GUCA1C: variants seen among roughly 807,000 people sequenced by gnomAD.
The protein encoded by GUCA1C is guanylate cyclase activator 1C, also known as guanylyl cyclase-activating protein 3.
Under a neutral mutation model 16.2 loss-of-function variants are expected in GUCA1C, and 15 were observed. The ratio of observed to expected loss-of-function variants is 0.93; its 90% CI spans 0.62 to 1.43. The LOEUF is 1.43. Among genes scored for constraint, GUCA1C ranks in the 40% most tolerant of loss-of-function variants. The pLI is 0.00. For synonymous variants in GUCA1C, 78 were observed against 85.4 expected, an observed-to-expected ratio of 0.91 and a Z score of 0.48; for missense variants, 275 against 244.8, an observed-to-expected ratio of 1.12 and a Z score of -0.82.
intron 1 of GUCA1C, among the ~76,000 whole-genome samples, chr3:108,933,707 A>G (rs1946693916): frequency 6.6e-6 from 1 of 152,200 alleles, no homozygotes; most frequent in South Asian, 2.1e-4. Flanking sequence ...TGCAGAGAAG[A>G]AGGAACATTT....
intron 3 of GUCA1C, 158 bp downstream of exon 3, chr3:108,915,969 T>C: frequency 8.4e-6 from 6 of 711,406 alleles, no homozygotes; most frequent in Non-Finnish European, 1.4e-5. Context: ...TTTACTCAAT[T>C]GAATCATACT....
In GUCA1C at chr3:108,926,614, G is replaced by A. The variant is rs531420360; in HGVS notation, c.205-6029C>T. ...TCCTGCCTCGGCCTCCCGAGTAGCT[G>A]GGACTACAGGTGCACGCCACCACGC... On this transcript the variant is annotated intron_variant, in intron 1 of 3. Coordinates refer to ENST00000261047, the MANE Select transcript of GUCA1C (RefSeq NM_005459.4). 6.6e-5 allele frequency among the ~76,000 whole-genome samples: 10 copies of A among 152,202 alleles called. No homozygotes were observed. In the East Asian group the frequency reaches 1.4e-3, roughly 21 times the overall value.
chr3:108,951,389 C>A (rs1946894401), intron 1 of GUCA1C, among the ~76,000 whole-genome samples: 1 of 152,114 alleles, frequency 6.6e-6, no homozygotes, highest in African/African-American at 2.4e-5. Context: ...CTCATAACAT[C>A]ATGTTGCATA....
intron 3 of GUCA1C, among the ~76,000 whole-genome samples, chr3:108,913,418 C>A (rs1192163728): frequency 6.6e-6 from 1 of 151,858 alleles, no homozygotes; most frequent in Non-Finnish European, 1.5e-5. Context: ...GTGCTAATTC[C>A]CCCTTTATTT....
chr3:108,929,314 C>A (rs1335514557), intron 1 of GUCA1C, among the ~76,000 whole-genome samples: 1 of 152,006 alleles, frequency 6.6e-6, no homozygotes, highest in Non-Finnish European at 1.5e-5. Flanking sequence ...CGTATTAGTT[C>A]TAGGAGGTTT....
At chr3:108,942,303 C>G (rs1946794528) in intron 1 of GUCA1C, among the ~76,000 whole-genome samples, 2 of 152,060 alleles carry the variant, frequency 1.3e-5, no homozygotes, top group African/African-American at 2.4e-5. Context: ...TTTCAAGATC[C>G]CCAAATGCCT....
intron 1 of GUCA1C, among the ~76,000 whole-genome samples, chr3:108,950,721 A>AC (rs1946888587): frequency 6.6e-6 from 1 of 152,208 alleles, no homozygotes; most frequent in Non-Finnish European, 1.5e-5. Context: ...AAGCCAGGTT[A>AC]GAAATGGCAC....
intron 1 of GUCA1C, among the ~76,000 whole-genome samples, chr3:108,937,008 C>A (rs1261545943): frequency 6.6e-6 from 1 of 152,130 alleles, no homozygotes; most frequent in Non-Finnish European, 1.5e-5. Context: ...GCCACCCGCC[C>A]GTAAGTTTAA....
In GUCA1C at chr3:108,952,866, CT is replaced by C. The variant is rs3842574; in HGVS notation, c.204+692del. On this transcript the variant is annotated intron_variant, in intron 1 of 3. Coordinates refer to ENST00000261047, the MANE Select transcript of GUCA1C (RefSeq NM_005459.4). ...TTCAGGTTGTTGCTTTTTTGTCTCT[CT>C]TTTTTTTTTCAATTCCATATATTCT... Among the ~76,000 whole-genome samples the C allele has an allele frequency of 1.8e-4, 27 of 148,030 alleles. No individual in the cohort carries two copies. In the East Asian group the frequency reaches 3.0e-3, roughly 16 times the overall value.
At chr3:108,925,489 C>T (rs1317777489) in intron 1 of GUCA1C, among the ~76,000 whole-genome samples, 1 of 152,144 alleles carries the variant, frequency 6.6e-6, no homozygotes, top group South Asian at 2.1e-4. Flanking sequence ...TGAGAGACTA[C>T]TTGACATAAT....
At chr3:108,939,171 G>A (rs1946759213) in intron 1 of GUCA1C, among the ~76,000 whole-genome samples, 1 of 151,922 alleles carries the variant, frequency 6.6e-6, no homozygotes, top group South Asian at 2.1e-4. Flanking sequence ...TATTCAATCA[G>A]CCTTTCTCCT....
chr3:108,935,787 G>T lies in GUCA1C; in HGVS notation c.205-15202C>A, dbSNP rs141165877. ...TTTTCCTTTCTACCATTAAATAGAT[G>T]AAACTTTAGAAGTCGAAATAAGGAA... On this transcript the variant is annotated intron_variant, in intron 1 of 3. Coordinates refer to ENST00000261047, the MANE Select transcript of GUCA1C (RefSeq NM_005459.4). Among the ~76,000 whole-genome samples the T allele has an allele frequency of 1.8e-3, 271 of 152,244 alleles. 5 individuals are homozygous for T. Among genetic ancestry groups the T allele is most frequent in the African/African-American group, 6.3e-3 (261 of 41,548 alleles).
Position 108,908,127 on chromosome 3 carries a change from G to C in GUCA1C, c.525C>G (p.Phe175Leu). Reference protein sequence around the residue: ...LLEIVYKSFDFSNVLRVICNG... With the variant: ...LLEIVYKSFDLSNVLRVICNG... ...TACAGATTACTCTCAGCACATTGGA[G>C]AAGTCGAAGCTCTTGTAAACAATCT... is the stretch of plus-strand genomic sequence containing the variant. Residue 175 changes from phenylalanine to leucine, a missense_variant, in exon 4 of 4, where the codon TTC becomes TTG. Transcript: ENST00000261047. 6.2e-7 allele frequency: 1 copy of C among 1,613,632 alleles called. No individual in the cohort carries two copies. The highest frequency in any genetic ancestry group is 8.5e-7 in the Non-Finnish European group (1 of 1,179,564).
intron 1 of GUCA1C, among the ~76,000 whole-genome samples, chr3:108,923,419 A>G (rs1576547851): frequency 6.6e-6 from 1 of 152,054 alleles, no homozygotes; most frequent in African/African-American, 2.4e-5. Flanking sequence ...TCTTTCCCCC[A>G]CTTTATGTTT....
chr3:108,943,786 T>C (rs1345183256), intron 1 of GUCA1C, among the ~76,000 whole-genome samples: 2 of 152,120 alleles, frequency 1.3e-5, no homozygotes, highest in Non-Finnish European at 2.9e-5. Context: ...CCCTCACTTT[T>C]CCCCACAAGT....
At chr3:108,910,470 C>A in intron 3 of GUCA1C, among the ~76,000 whole-genome samples, 1 of 149,866 alleles carries the variant, frequency 6.7e-6, no homozygotes, top group African/African-American at 2.5e-5. Flanking sequence ...TGCACTCCAG[C>A]CTGGGTGACA....
chr3:108,910,840 C>G (rs369444088), intron 3 of GUCA1C, among the ~76,000 whole-genome samples: 6 of 151,892 alleles, frequency 4.0e-5, no homozygotes, highest in African/African-American at 9.6e-5. Flanking sequence ...TTGGTAGAGA[C>G]GGGGTTTCAC....
chr3:108,952,122 A>C lies in GUCA1C; in HGVS notation c.204+1437T>G, dbSNP rs116761157. ...AAGAAGCTGCTGTCTAGAGCAACAGACTTTCATCCTGATATTGGGCTGCTT... is the reference window on the plus strand; with the variant it reads ...AAGAAGCTGCTGTCTAGAGCAACAGCCTTTCATCCTGATATTGGGCTGCTT... On this transcript the variant is annotated intron_variant, in intron 1 of 3. Transcript: ENST00000261047. 9.7e-3 allele frequency among the ~76,000 whole-genome samples: 1,481 copies of C among 152,336 alleles called. 9 individuals carry two copies. The highest frequency in any genetic ancestry group is 0.017 in the Non-Finnish European group (1,131 of 68,030).
chr3:108,912,726 A>AAAT (rs1553732723), intron 3 of GUCA1C, among the ~76,000 whole-genome samples: 1 of 150,822 alleles, frequency 6.6e-6, no homozygotes, highest in African/African-American at 2.4e-5. Context: ...AAAAAAAAAA[A>AAAT]TTCTAGATAC....
Sources: allele counts gnomAD v4.1 joint callset (sites outside exome capture counted in the v4.1 genomes callset), GRCh38; gene constraint gnomAD v4.1.1; transcripts MANE v1.5; gene names NCBI Gene and HGNC (gene_info 2026-07-23, HGNC 2026-07-21).